Variants in DYM observed in about 807,000 individuals in gnomAD.
DYM encodes dymeclin.
DYM carries 78 observed loss-of-function variants against 93.1 expected under a neutral mutation model. The ratio of observed to expected loss-of-function variants is 0.84; its 90% confidence interval spans 0.70 to 1.01. The LOEUF is 1.01. Among genes scored for constraint, DYM ranks in the 50% least tolerant of loss-of-function variants. The probability of loss-of-function intolerance (pLI) is 0.00; values close to 1 mark genes in which losing one functional copy is unlikely to be tolerated. For missense variants in DYM, 789 were observed against 845.0 expected, an observed-to-expected ratio of 0.93 and a Z score of 0.82; for synonymous variants, 321 against 319.7, an observed-to-expected ratio of 1.00 and a Z score of -0.04.
intron 15 of DYM, among the ~76,000 whole-genome samples, chr18:49,130,128 G>A (rs1175212825): frequency 6.6e-6 from 1 of 152,148 alleles, no homozygotes; most frequent in Non-Finnish European, 1.5e-5. Flanking sequence ...TGCACACAGG[G>A]ACTCTCCAGG....
At chr18:49,412,035 A>C (rs942239139) in intron 2 of DYM, 1 of 152,172 alleles carries the variant, frequency 6.6e-6, no homozygotes. Context: ...CAAAAACTGC[A>C]TATAAATTAT....
intron 8 of DYM, among the ~76,000 whole-genome samples, chr18:49,329,943 T>C (rs2063192134): frequency 3.3e-5 from 5 of 152,212 alleles, no homozygotes; most frequent in Admixed American, 3.3e-4. Context: ...CAAAAGATCA[T>C]CAGAAGTGAT....
chr18:49,326,621 A>C (rs1599443874), intron 8 of DYM, among the ~76,000 whole-genome samples: 1 of 152,260 alleles, frequency 6.6e-6, no homozygotes, highest in East Asian at 1.9e-4. Flanking sequence ...TGAGTACTGC[A>C]GTGCCAATAA....
rs916930549 is a variant in DYM at position 49,440,301 on chromosome 18, G to A, written c.-53-9854C>T. The stretch of plus-strand genomic sequence containing the variant: ...TCCACAAATTCTACACTCTATTCCA[G>A]AATCGCTTTCCTCCTAAATATACAT... On this transcript the variant is annotated intron_variant, in intron 1 of 17. Transcript: ENST00000675505. Among the ~76,000 whole-genome samples the A allele has an allele frequency of 3.0e-5, 4 of 135,526 alleles. No individual in the cohort carries two copies. In the Admixed American group the frequency reaches 3.3e-4, roughly 11 times the overall value. The allele number at this position is 135,526 out of a possible 152,430, so 88.9% of individuals were successfully genotyped here.
rs1293936261 is a variant in DYM at position 49,209,541 on chromosome 18, G to C, written c.1625+10C>G. 1 of 1,288,392 alleles carries C rather than the reference G, an allele frequency of 7.8e-7. No homozygotes were observed. Among genetic ancestry groups the C allele is most frequent in the East Asian group, 5.6e-5 (1 of 18,002 alleles). 79.8% of individuals were successfully genotyped at this position (1,288,392 alleles called of 1,614,324 possible). On this transcript the variant is annotated intron_variant, in intron 14 of 17. Transcript: ENST00000675505. Reference sequence around the variant, plus strand: ...CAGCATGCAGTAAATGGACAGCAGAGGTTAATAACCTGGAAGCATAGGATC... The same window carrying C: ...CAGCATGCAGTAAATGGACAGCAGACGTTAATAACCTGGAAGCATAGGATC...
intron 10 of DYM, 60 bp from the exon 11 acceptor site, chr18:49,272,363 A>G: frequency 8.9e-7 from 1 of 1,124,634 alleles, no homozygotes; most frequent in Admixed American, 1.9e-5. Context: ...CAAATGTTTT[A>G]AATCTTTACA....
chr18:49,331,882 G>A lies in DYM; in HGVS notation c.745C>T (p.Leu249Phe). 2 of 1,614,072 alleles carry A rather than the reference G, an allele frequency of 1.2e-6. No individual in the cohort carries two copies. Among genetic ancestry groups the A allele is most frequent in the Non-Finnish European group, 8.5e-7 (1 of 1,179,996 alleles). The change falls in exon 8 of 18, where the codon CTT (leucine) becomes TTT (phenylalanine). Residue 249 changes from leucine (L) to phenylalanine (F), a missense_variant. By Grantham distance (22) the Leu-to-Phe change is conservative. Coordinates refer to ENST00000675505, the MANE Select transcript of DYM (RefSeq NM_001353214.3). The stretch of plus-strand genomic sequence containing the variant: ...AACTTACTTGCTACTCCTGATGCAA[G>A]TCCATAAAGCAGTCCTCCCCCATCC... ...QSDGGGLLYG[L>F]ASGVATGLWT...
intron 16 of DYM, among the ~76,000 whole-genome samples, chr18:49,115,031 G>C (rs1310656151): frequency 6.6e-6 from 1 of 152,194 alleles, no homozygotes; most frequent in African/African-American, 2.4e-5. Flanking sequence ...AGTTCTCGCT[G>C]TATCACTTGC....
At chr18:49,216,885 T>C (rs2093080508) in intron 13 of DYM, among the ~76,000 whole-genome samples, 1 of 152,158 alleles carries the variant, frequency 6.6e-6, no homozygotes, top group South Asian at 2.1e-4. Flanking sequence ...TCACCAGCAA[T>C]GGAACAAAGC....
intron 2 of DYM, among the ~76,000 whole-genome samples, chr18:49,416,383 C>T (rs778822459): frequency 6.6e-6 from 1 of 152,172 alleles, no homozygotes; most frequent in African/African-American, 2.4e-5. Context: ...CCCTGCCATG[C>T]TACATGGTCT....
At position 49,303,776 on chromosome 18, in the gene DYM, T is replaced by G. The variant is rs1199729296; in HGVS notation, c.764-17160A>C. On this transcript the variant is annotated intron_variant, in intron 8 of 17. Transcript: ENST00000675505. ...GGCATAAAGTATGTATCTTTCATTT[T>G]CATTTTTACTACTATGATTAATACC... 3.3e-5 allele frequency among the ~76,000 whole-genome samples: 5 copies of G among 152,358 alleles called. No homozygotes were observed. The East Asian group carries it at 9.6e-4, about 29-fold the overall frequency.
chr18:49,403,058 A>T (rs2148067737), intron 2 of DYM, among the ~76,000 whole-genome samples: 1 of 152,336 alleles, frequency 6.6e-6, no homozygotes, highest in Middle Eastern at 3.4e-3. Flanking sequence ...CTCAATAAAT[A>T]TGAGTTCCCT....
chr18:49,112,106 TGCACCCGCCTCCTCTCC>T (rs1184612745), intron 16 of DYM, among the ~76,000 whole-genome samples: 1 of 92,672 alleles, frequency 1.1e-5, no homozygotes, highest in African/African-American at 3.0e-5. Context: ...TGCCTGCCTC[TGCACCCGCCTCCTCTCC>T]GCACCCCCCT....
At chr18:49,265,904 G>A (rs1365042042) in intron 11 of DYM, among the ~76,000 whole-genome samples, 1 of 152,034 alleles carries the variant, frequency 6.6e-6, no homozygotes, top group Non-Finnish European at 1.5e-5. Flanking sequence ...TAAAAGGGCT[G>A]ATGGTAGACA....
intron 14 of DYM, among the ~76,000 whole-genome samples, chr18:49,198,404 T>C (rs1451963937): frequency 6.6e-6 from 1 of 151,966 alleles, no homozygotes; most frequent in Non-Finnish European, 1.5e-5. Flanking sequence ...ACTAAAGAGC[T>C]TCTGCACAGC....
At chr18:49,240,885 AACTAATCATTTTT>A (rs1182976486) in intron 13 of DYM, among the ~76,000 whole-genome samples, 8 of 152,340 alleles carry the variant, frequency 5.3e-5, no homozygotes, top group Admixed American at 3.9e-4. Context: ...GATTTATAAC[AACTAATCATTTTT>A]ACTATTTCGC....
intron 3 of DYM, among the ~76,000 whole-genome samples, chr18:49,384,815 C>T: frequency 6.7e-6 from 1 of 149,028 alleles, no homozygotes; most frequent in East Asian, 2.0e-4. Context: ...AGAACAGAGA[C>T]AAAAAGATAA....
intron 17 of DYM, among the ~76,000 whole-genome samples, chr18:49,080,938 G>A (rs1042678433): frequency 6.7e-6 from 1 of 150,288 alleles, no homozygotes; most frequent in African/African-American, 2.5e-5. Flanking sequence ...TCACTTCCCA[G>A]ATGGGATGGC....
intron 5 of DYM, among the ~76,000 whole-genome samples, chr18:49,363,493 G>A (rs1019260169): frequency 2.0e-5 from 3 of 152,228 alleles, no homozygotes; most frequent in East Asian, 1.9e-4. Flanking sequence ...GCTCCTGTAC[G>A]CCAGTAGTTG....
Sources: gnomAD v4.1 joint callset for allele counts (sites outside exome capture counted in the v4.1 genomes callset) on GRCh38, gnomAD v4.1.1 for gene constraint, MANE v1.5 for transcripts, NCBI Gene and HGNC (gene_info 2026-07-23, HGNC 2026-07-21) for gene names.